Variants in ZNF547 observed in about 807,000 individuals in gnomAD.
ZNF547 encodes zinc finger protein 547.
A neutral mutation model predicts 7.7 loss-of-function variants in ZNF547; 4 were observed. That is an observed-to-expected ratio of 0.52 (90% confidence interval 0.26 to 1.20). The LOEUF (loss-of-function observed/expected upper bound fraction) is 1.20. ZNF547 is among the 50% of genes most tolerant of loss of function. The pLI is 0.14. For missense variants in ZNF547, 449 were observed against 485.8 expected (o/e 0.92, Z 0.71); for synonymous variants, 166 against 166.2 (o/e 1.00, Z 0.01).
At chr19:57,364,466 GGCGT>G in intron 1 of ZNF547, 3 of 242,420 alleles carry the variant, frequency 1.2e-5, no homozygotes, top group South Asian at 1.2e-4. Flanking sequence ...AGGGTGGCCG[GGCGT>G]GGTGGCTCAC....
intron 2 of ZNF547, among the ~76,000 whole-genome samples, chr19:57,371,300 G>A: frequency 6.6e-6 from 1 of 152,200 alleles, no homozygotes; most frequent in East Asian, 1.9e-4. Flanking sequence ...CCAGGGACAG[G>A]CCAATGACAC....
In ZNF547 at chr19:57,378,821, C is replaced by A; in HGVS notation, c.*636C>A. On this transcript the variant is annotated 3_prime_UTR_variant, in exon 4 of 4. Transcript: ENST00000282282. ...GAACTCTTTATCTTGTAAAATGAAA[C>A]TCTATAACCACCATTAAAAAAACAA... 1 of 415,904 alleles carries A rather than the reference C, an allele frequency of 2.4e-6. No individual in the cohort carries two copies. The highest frequency in any genetic ancestry group is 4.7e-6 in the Non-Finnish European group (1 of 212,970). 25.8% of individuals were successfully genotyped at this position (415,904 alleles called of 1,614,324 possible).
chr19:57,373,661 C>T (rs796364689), intron 3 of ZNF547, among the ~76,000 whole-genome samples: 4 of 152,288 alleles, frequency 2.6e-5, no homozygotes, highest in African/African-American at 9.6e-5. Context: ...TGTACCTATT[C>T]CTAATGGAAG....
rs750457152 is a variant in ZNF547 at position 57,378,019 on chromosome 19, G to A, written c.1043G>A (p.Gly348Glu). Residue 348 changes from glycine (G) to glutamate (E), a missense_variant, in exon 4 of 4, where the codon GGA (glycine) becomes GAA (glutamate). Transcript: ENST00000282282. ...VLIQHQRVHT[G>E]ERPYECSECG... is the part of the protein sequence containing the mutation. ...ATTCAACACCAAAGAGTTCACACTG[G>A]AGAACGGCCTTATGAATGCAGTGAG... is the stretch of plus-strand genomic sequence containing the variant. The A allele has an allele frequency of 1.2e-6, 2 of 1,614,168 alleles. No homozygotes were observed. The highest frequency in any genetic ancestry group is 2.2e-5 in the South Asian group (2 of 91,086).
At chr19:57,371,567 T>G (rs1241188386) in intron 2 of ZNF547, 5 of 665,388 alleles carry the variant, frequency 7.5e-6, no homozygotes, top group African/African-American at 1.8e-5. Flanking sequence ...CTGGGTTGAT[T>G]TAGAGCATGG....
At chr19:57,374,699 A>G (rs2088525718) in intron 3 of ZNF547, among the ~76,000 whole-genome samples, 1 of 152,194 alleles carries the variant, frequency 6.6e-6, no homozygotes, top group African/African-American at 2.4e-5. Flanking sequence ...CTCAAGTTCA[A>G]AGTTCCACAG....
Position 57,378,898 on chromosome 19 carries a change from ATGACTC to A in ZNF547, c.*719_*724del. The A allele has an allele frequency of 3.7e-6, 1 of 270,374 alleles. No individual in the cohort carries two copies. The highest frequency in any genetic ancestry group is 1.2e-4 in the East Asian group (1 of 8,234). 16.7% of individuals were successfully genotyped at this position (270,374 alleles called of 1,614,324 possible). On this transcript the variant is annotated 3_prime_UTR_variant, in exon 4 of 4. Coordinates refer to ENST00000282282, the MANE Select transcript of ZNF547 (RefSeq NM_173631.4). ...GCGACCACCATATTTTTAAGTCATT[ATGACTC>A]TGACTATTCTTGGTACTTCTCAGAA...
chr19:57,374,066 G>A (rs1348194638), intron 3 of ZNF547, among the ~76,000 whole-genome samples: 4 of 150,786 alleles, frequency 2.7e-5, no homozygotes, highest in East Asian at 1.9e-4. Context: ...GAGGTTCTCC[G>A]TGAGTTCCAC....
In ZNF547 at chr19:57,377,545, G is replaced by T; in HGVS notation, c.569G>T (p.Gly190Val). The change falls in exon 4 of 4, where the codon GGG (glycine) becomes GTG (valine). Residue 190 changes from glycine to valine, a missense_variant. Coordinates refer to ENST00000282282, the MANE Select transcript of ZNF547 (RefSeq NM_173631.4). ...AGAACTTATAAGTGCAGCAAATGTGGGATATTGTTTATGGAAAGGTCCACA... is the reference window on the plus strand; with the variant it reads ...AGAACTTATAAGTGCAGCAAATGTGTGATATTGTTTATGGAAAGGTCCACA... Reference protein sequence around the residue: ...GERTYKCSKCGILFMERSTLN... With the variant: ...GERTYKCSKCVILFMERSTLN... 1 of 1,614,174 alleles carries T rather than the reference G, an allele frequency of 6.2e-7. No homozygotes were observed. The highest frequency in any genetic ancestry group is 8.5e-7 in the Non-Finnish European group (1 of 1,180,046).
chr19:57,365,407 A>G, intron 1 of ZNF547: 1 of 629,752 alleles, frequency 1.6e-6, no homozygotes, highest in Non-Finnish European at 2.8e-6. Flanking sequence ...ATTTAAAAAT[A>G]GTACATTCTG....
chr19:57,367,555 G>C (rs528392395), intron 1 of ZNF547, among the ~76,000 whole-genome samples: 1 of 152,114 alleles, frequency 6.6e-6, no homozygotes, highest in South Asian at 2.1e-4. Flanking sequence ...CTGATACTTG[G>C]GGTTCACACC....
intron 3 of ZNF547, among the ~76,000 whole-genome samples, chr19:57,373,009 A>G (rs1248738900): frequency 6.6e-6 from 1 of 152,128 alleles, no homozygotes; most frequent in Non-Finnish European, 1.5e-5. Flanking sequence ...GCCAGGTCCA[A>G]CTCTGCACAG....
rs1211159531 is a variant in ZNF547, at chr19:57,378,898, A to G, written c.*713A>G. The G allele has an allele frequency of 1.5e-5, 4 of 270,256 alleles. No homozygotes were observed. The highest frequency in any genetic ancestry group is 7.4e-6 in the Non-Finnish European group (1 of 135,944). The allele number at this position is 270,256 out of a possible 1,614,324, so 16.7% of individuals were successfully genotyped here. On this transcript the variant is annotated 3_prime_UTR_variant, in exon 4 of 4. Coordinates refer to ENST00000282282, the MANE Select transcript of ZNF547 (RefSeq NM_173631.4). ...GCGACCACCATATTTTTAAGTCATT[A>G]TGACTCTGACTATTCTTGGTACTTC...
Position 57,378,264 on chromosome 19 carries a change from G to A in ZNF547, c.*79G>A. 2 of 1,312,824 alleles carry A rather than the reference G, an allele frequency of 1.5e-6. No individual in the cohort carries two copies. Among genetic ancestry groups the A allele is most frequent in the South Asian group, 2.7e-5 (2 of 74,796 alleles). The allele number at this position is 1,312,824 out of a possible 1,614,324, so 81.3% of individuals were successfully genotyped here. ...GGCTGGACAGCAGGCAGTACACACT[G>A]GAGAAAGACTGAATGCCGTGAACGT... is the stretch of plus-strand genomic sequence containing the variant. On this transcript the variant is annotated 3_prime_UTR_variant, in exon 4 of 4. Transcript: ENST00000282282.
At chr19:57,372,423 C>T (rs971773109) in intron 3 of ZNF547, among the ~76,000 whole-genome samples, 1 of 152,180 alleles carries the variant, frequency 6.6e-6, no homozygotes, top group African/African-American at 2.4e-5. Context: ...TCCCCTAGGA[C>T]TGGTCTCTTT....
chr19:57,364,023 A>G (rs1320302725), intron 1 of ZNF547: 1 of 152,300 alleles, frequency 6.6e-6, no homozygotes, highest in Non-Finnish European at 1.5e-5. Context: ...AAGGTTGTCA[A>G]GGGAAGACCA....
Position 57,369,896 on chromosome 19 carries a change from G to GTTTTTTTTTT in ZNF547, c.24+1319_24+1320insTTTTTTTTTT, listed in dbSNP as rs1300181023. ...AGAAAAGAAGTTTAATTGACTCACA[G>GTTTTTTTTTT]TTCTTTTTTTTTTTTTTTTTTTTTT... On this transcript the variant is annotated intron_variant, in intron 2 of 3. Transcript: ENST00000282282. Among the ~76,000 whole-genome samples, 189 of 33,660 alleles carry GTTTTTTTTTT rather than the reference G, an allele frequency of 5.6e-3. 2 individuals carry two copies. The highest frequency in any genetic ancestry group is 8.9e-3 in the Non-Finnish European group (130 of 14,580). The allele number at this position is 33,660 out of a possible 152,430, so 22.1% of individuals were successfully genotyped here.
chr19:57,371,916 C>T lies in ZNF547; in HGVS notation c.151+8C>T, dbSNP rs1477352957. ...CCCTTTTGTCCTCACTAGGTAAGGC[C>T]CTCACACTTGCCCAGTGTCCTGGGT... On this transcript the variant is annotated splice_region_variant and intron_variant, in intron 3 of 3. Coordinates refer to ENST00000282282, the MANE Select transcript of ZNF547 (RefSeq NM_173631.4). The T allele has an allele frequency of 3.8e-6, 6 of 1,594,760 alleles. No homozygotes were observed. The highest frequency in any genetic ancestry group is 5.1e-6 in the Non-Finnish European group (6 of 1,169,958).
intron 2 of ZNF547, among the ~76,000 whole-genome samples, chr19:57,369,899 C>CTTTTTTT (rs61547238): frequency 0.013 from 653 of 51,652 alleles, 229 homozygotes; most frequent in African/African-American, 0.043. Context: ...ACTCACAGTT[C>CTTTTTTT]TTTTTTTTTT....
Sources: allele counts gnomAD v4.1 joint callset (sites outside exome capture counted in the v4.1 genomes callset), GRCh38; gene constraint gnomAD v4.1.1; transcripts MANE v1.5; gene names NCBI Gene and HGNC (gene_info 2026-07-23, HGNC 2026-07-21).